Variants in TIAM2 observed in about 807,000 individuals in gnomAD.
The protein encoded by TIAM2 is rho guanine nucleotide exchange factor TIAM2.
In TIAM2, 80 loss-of-function variants were observed where a neutral mutation model predicts 152.9. That is an observed-to-expected ratio of 0.52 (90% CI 0.44 to 0.63). The LOEUF (loss-of-function observed/expected upper bound fraction) is 0.63, where lower values mean the gene tolerates loss of function less well. TIAM2 is among the 30% of genes least tolerant of loss of function. TIAM2 has a pLI of 0.00. For synonymous variants in TIAM2, 804 were observed against 838.0 expected (o/e 0.96, Z 0.70); for missense variants, 1,965 against 2,120.1 (o/e 0.93, Z 1.44).
At chr6:155,022,898 C>T (rs571464388) in intron 1 of TIAM2, among the ~76,000 whole-genome samples, 1 of 152,284 alleles carries the variant, frequency 6.6e-6, no homozygotes, top group Non-Finnish European at 1.5e-5. Context: ...TGTGTCATAG[C>T]GCTGGGCTTG....
intron 19 of TIAM2, 59 bp from the exon 20 acceptor site, chr6:155,247,936 AGAAAT>A: frequency 6.5e-7 from 1 of 1,530,622 alleles, no homozygotes; most frequent in Non-Finnish European, 8.9e-7. Context: ...ATGTTAAAAG[AGAAAT>A]GAAGAATTTA....
intron 2 of TIAM2, among the ~76,000 whole-genome samples, chr6:155,111,050 A>G (rs1394625633): frequency 6.6e-6 from 1 of 152,166 alleles, no homozygotes; most frequent in Non-Finnish European, 1.5e-5. Flanking sequence ...CAGAGTTTGC[A>G]AGCTTTTAAA....
intron 2 of TIAM2, among the ~76,000 whole-genome samples, chr6:155,095,677 G>C (rs1374841745): frequency 1.3e-5 from 2 of 152,206 alleles, no homozygotes; most frequent in Non-Finnish European, 2.9e-5. Flanking sequence ...GGGCTAGATA[G>C]ATGACCTCTC....
chr6:155,136,936 T>C (rs1779568775), intron 4 of TIAM2, among the ~76,000 whole-genome samples: 1 of 152,210 alleles, frequency 6.6e-6, no homozygotes, highest in African/African-American at 2.4e-5. Context: ...AGGAGAGCCA[T>C]TTGTATTTTA....
rs992235500 is a variant in TIAM2, at chr6:155,179,061, A to G, written c.2546A>G (p.His849Arg). The change falls in exon 11 of 27, where the codon CAT (histidine) becomes CGT (arginine). Residue 849 changes from histidine (H) to arginine (R), a missense_variant. By Grantham distance (29) the His-to-Arg change is conservative. Around this residue, in one of 3 missense-constraint regions of TIAM2, gnomAD observed 1,025 missense variants for 1,119.4 expected, o/e 0.92. Coordinates refer to ENST00000682666, the MANE Select transcript of TIAM2 (RefSeq NM_012454.4). ...ACKMRQLEPS[H>R]YGLQLRKLVD... The stretch of plus-strand genomic sequence containing the variant: ...TAGATGAGGCAGTTGGAACCCAGCC[A>G]TTATGGCCTACAGCTTCGAAAATTA... 2.5e-6 allele frequency: 4 copies of G among 1,613,970 alleles called. No homozygotes were observed. In the African/African-American group the frequency reaches 5.3e-5, roughly 22 times the overall value.
intron 1 of TIAM2, among the ~76,000 whole-genome samples, chr6:154,998,972 G>A (rs143485737): frequency 6.6e-6 from 1 of 152,220 alleles, no homozygotes; most frequent in Non-Finnish European, 1.5e-5. Context: ...AATGCCCTGG[G>A]TAAAGTAGGC....
At chr6:155,024,029 A>G (rs1427430541) in intron 1 of TIAM2, among the ~76,000 whole-genome samples, 3 of 152,142 alleles carry the variant, frequency 2.0e-5, no homozygotes, top group Non-Finnish European at 4.4e-5. Flanking sequence ...GCGGCTCTCC[A>G]GGACAGATTC....
chr6:155,202,840 C>A (rs571974043), intron 14 of TIAM2, among the ~76,000 whole-genome samples: 4 of 147,620 alleles, frequency 2.7e-5, no homozygotes, highest in South Asian at 2.2e-4. Context: ...GAGTTTGAGA[C>A]CATCCTGGCC....
intron 2 of TIAM2, among the ~76,000 whole-genome samples, chr6:155,126,785 G>C (rs963954196): frequency 6.6e-6 from 1 of 151,260 alleles, no homozygotes; most frequent in Non-Finnish European, 1.5e-5. Context: ...TGTTATCCAT[G>C]TTTGACCACA....
At chr6:155,247,613 C>T (rs1783409831) in intron 19 of TIAM2, among the ~76,000 whole-genome samples, 1 of 152,364 alleles carries the variant, frequency 6.6e-6, no homozygotes, top group Admixed American at 6.5e-5. Flanking sequence ...CGGGCGTGAG[C>T]CACCGCACCT....
At chr6:155,006,344 C>T (rs538908435) in intron 1 of TIAM2, among the ~76,000 whole-genome samples, 12 of 152,046 alleles carry the variant, frequency 7.9e-5, no homozygotes, top group Non-Finnish European at 1.8e-4. Flanking sequence ...GCTGCAGTAA[C>T]ACCCAGGGCT....
At chr6:155,150,521 G>A (rs1387989899) in intron 7 of TIAM2, among the ~76,000 whole-genome samples, 1 of 152,166 alleles carries the variant, frequency 6.6e-6, no homozygotes, top group African/African-American at 2.4e-5. Context: ...TGGTGGCTTG[G>A]GGCTCTGGAG....
intron 3 of TIAM2, among the ~76,000 whole-genome samples, chr6:155,128,636 G>A (rs1779354611): frequency 6.6e-6 from 1 of 151,692 alleles, no homozygotes; most frequent in Admixed American, 6.6e-5. Flanking sequence ...GAGGCAAGAG[G>A]ATCTCTTGAG....
At position 155,254,414 on chromosome 6, in the gene TIAM2, C is replaced by A; in HGVS notation, c.4314-5C>A. 6.2e-7 allele frequency: 1 copy of A among 1,610,778 alleles called. No individual in the cohort carries two copies. The highest frequency in any genetic ancestry group is 8.5e-7 in the Non-Finnish European group (1 of 1,177,136). ...TTCTGCTGTTTTCTCTCCCCCCCCA[C>A]CCAGTGACAGTGAAAGCAAAACCAA... On this transcript the variant is annotated splice_polypyrimidine_tract_variant and splice_region_variant and intron_variant, in intron 25 of 26. Coordinates refer to ENST00000682666, the MANE Select transcript of TIAM2 (RefSeq NM_012454.4).
intron 15 of TIAM2, among the ~76,000 whole-genome samples, chr6:155,230,258 G>A (rs1173552723): frequency 4.6e-5 from 7 of 152,160 alleles, no homozygotes; most frequent in Non-Finnish European, 7.4e-5. Context: ...TCTTTGTGGT[G>A]TCCACAGTTC....
intron 2 of TIAM2, among the ~76,000 whole-genome samples, chr6:155,123,398 C>T (rs1040676485): frequency 6.6e-6 from 1 of 152,154 alleles, no homozygotes; most frequent in Admixed American, 6.5e-5. Context: ...GGGTCCGCAT[C>T]AACTGTGTAG....
Position 155,183,391 on chromosome 6 carries a change from G to A in TIAM2, c.2955G>A (p.Trp985Ter). 1 of 1,613,526 alleles carries A rather than the reference G, an allele frequency of 6.2e-7. No individual in the cohort carries two copies. The change falls in exon 14 of 27, where the codon TGG becomes TGA. Residue 985 changes from tryptophan to a stop codon, truncating the protein, a stop_gained. Coordinates refer to ENST00000682666, the MANE Select transcript of TIAM2 (RefSeq NM_012454.4). LOFTEE classifies it high-confidence loss of function. ...CAAAAGCAACCCTGTGTACATCCTG[G>A]TCAGACAGTGACCTGTTCTCCAGGG... is the stretch of plus-strand genomic sequence containing the variant. ...PDTKATLCTS[W>*]SDSDLFSRDQ...
In TIAM2 at chr6:155,221,855, T is replaced by C. The variant is rs116686251; in HGVS notation, c.3168+10548T>C. Among the ~76,000 whole-genome samples, 498 of 152,322 alleles carry C rather than the reference T, an allele frequency of 3.3e-3. 4 individuals carry two copies. Among genetic ancestry groups the C allele is most frequent in the African/African-American group, 0.011 (475 of 41,572 alleles). On this transcript the variant is annotated intron_variant, in intron 15 of 26. Coordinates refer to ENST00000682666, the MANE Select transcript of TIAM2 (RefSeq NM_012454.4). The stretch of plus-strand genomic sequence containing the variant: ...GAGACCTTGATATAATTTTGCTTTC[T>C]GTGGGAGAAGAAAGCAGGAAGTTTG...
chr6:155,084,746 C>A (rs1778142416), intron 1 of TIAM2, among the ~76,000 whole-genome samples: 1 of 152,174 alleles, frequency 6.6e-6, no homozygotes. Context: ...TTAGTCATCC[C>A]TTTGTCATGA....
Sources: allele counts gnomAD v4.1 joint callset (sites outside exome capture counted in the v4.1 genomes callset), GRCh38; gene constraint gnomAD v4.1.1; regional missense constraint gnomAD v4.1.1; transcripts MANE v1.5; gene names NCBI Gene and HGNC (gene_info 2026-07-23, HGNC 2026-07-21).